Variants in ZDHHC14 observed in about 807,000 individuals in gnomAD.
The protein encoded by ZDHHC14 is zDHHC palmitoyltransferase 14, also known as palmitoyltransferase ZDHHC14.
ZDHHC14 carries 16 observed loss-of-function variants against 47.7 expected under a neutral mutation model. That is an observed-to-expected ratio of 0.34 (90% CI 0.23 to 0.51). ZDHHC14 has a LOEUF of 0.51. Among genes scored for constraint, ZDHHC14 ranks in the 20% least tolerant of loss-of-function variants. The pLI, the probability that ZDHHC14 is intolerant of heterozygous loss-of-function variation, is 0.97. For missense variants in ZDHHC14, 515 were observed against 662.5 expected, an observed-to-expected ratio of 0.78 and a Z score of 2.44; for synonymous variants, 293 against 278.9, an observed-to-expected ratio of 1.05 and a Z score of -0.50.
chr6:157,652,636 C>T (rs1441633083), intron 7 of ZDHHC14, among the ~76,000 whole-genome samples: 2 of 152,242 alleles, frequency 1.3e-5, no homozygotes, highest in African/African-American at 4.8e-5. Context: ...TACTCAGAAA[C>T]TTGTCTGTGG....
rs188340745 is a variant in ZDHHC14 at position 157,496,436 on chromosome 6, C to T, written c.246-46149C>T. ...AAAAGATATGTTGGAGTCCTAACCC[C>T]CAGGACCTCAGAATGTGACCTTATT... On this transcript the variant is annotated intron_variant, in intron 1 of 8. Coordinates refer to ENST00000359775, the MANE Select transcript of ZDHHC14 (RefSeq NM_024630.3). 7.9e-5 allele frequency among the ~76,000 whole-genome samples: 12 copies of T among 152,292 alleles called. No homozygotes were observed. In the East Asian group the frequency reaches 1.2e-3, roughly 15 times the overall value.
chr6:157,397,445 C>T (rs995549467), intron 1 of ZDHHC14, among the ~76,000 whole-genome samples: 4 of 152,226 alleles, frequency 2.6e-5, no homozygotes, highest in Middle Eastern at 3.4e-3. Context: ...TTGCCTTTTT[C>T]GGCTTCTGGA....
At chr6:157,666,024 T>G (rs1358569930) in intron 8 of ZDHHC14, among the ~76,000 whole-genome samples, 1 of 152,246 alleles carries the variant, frequency 6.6e-6, no homozygotes, top group African/African-American at 2.4e-5. Flanking sequence ...TTGGCTTTTA[T>G]TATGAGCTAA....
chr6:157,672,158 G>A (rs1216257115), intron 8 of ZDHHC14, among the ~76,000 whole-genome samples: 1 of 152,166 alleles, frequency 6.6e-6, no homozygotes, highest in African/African-American at 2.4e-5. Flanking sequence ...CCCATCTCGT[G>A]GATGTGTCCG....
chr6:157,397,175 C>G (rs1015616060), intron 1 of ZDHHC14, among the ~76,000 whole-genome samples: 3 of 152,246 alleles, frequency 2.0e-5, no homozygotes, highest in Non-Finnish European at 4.4e-5. Context: ...GAGCCCCAGT[C>G]AAGCGTAAAG....
intron 2 of ZDHHC14, among the ~76,000 whole-genome samples, chr6:157,555,235 T>C (rs549197735): frequency 7.2e-5 from 11 of 152,340 alleles, no homozygotes; most frequent in Admixed American, 2.6e-4. Flanking sequence ...ATAATATTAA[T>C]TTTGTGAATG....
chr6:157,393,168 C>T (rs560665345), intron 1 of ZDHHC14, among the ~76,000 whole-genome samples: 8 of 152,292 alleles, frequency 5.3e-5, no homozygotes, highest in East Asian at 1.9e-4. Flanking sequence ...CGTGAGCCAC[C>T]GCACCCAGCC....
intron 1 of ZDHHC14, among the ~76,000 whole-genome samples, chr6:157,441,012 G>C (rs1778551082): frequency 1.3e-5 from 2 of 152,184 alleles, no homozygotes; most frequent in South Asian, 4.1e-4. Context: ...GAAAAGGAAT[G>C]TGACTTATGG....
At chr6:157,480,495 G>C (rs1048041787) in intron 1 of ZDHHC14, among the ~76,000 whole-genome samples, 1 of 152,174 alleles carries the variant, frequency 6.6e-6, no homozygotes, top group Non-Finnish European at 1.5e-5. Flanking sequence ...TTGAACTCCT[G>C]ACCTCAAGTG....
intron 1 of ZDHHC14, among the ~76,000 whole-genome samples, chr6:157,459,076 A>G (rs778315673): frequency 5.9e-5 from 9 of 152,078 alleles, no homozygotes; most frequent in South Asian, 2.1e-4. Flanking sequence ...GCTGGTCTCA[A>G]GATAGTTTCT....
chr6:157,670,905 A>G (rs1311198450), intron 8 of ZDHHC14, among the ~76,000 whole-genome samples: 5 of 152,170 alleles, frequency 3.3e-5, no homozygotes, highest in African/African-American at 1.2e-4. Context: ...AGGGTGGCCT[A>G]CTACTTGTGA....
chr6:157,458,849 A>AATTTTTTTTTTTT (rs1434832129), intron 1 of ZDHHC14, among the ~76,000 whole-genome samples: 2 of 81,226 alleles, frequency 2.5e-5, no homozygotes, highest in African/African-American at 9.2e-5. Flanking sequence ...ATGTGGGTGG[A>AATTTTTTTTTTTT]TTTTTTTTTT....
chr6:157,638,646 G>A (rs1476901110), intron 5 of ZDHHC14, among the ~76,000 whole-genome samples: 2 of 152,228 alleles, frequency 1.3e-5, no homozygotes, highest in African/African-American at 2.4e-5. Context: ...AGAACCATCC[G>A]CCTGGGCCCT....
chr6:157,395,860 A>T (rs1271550663), intron 1 of ZDHHC14, among the ~76,000 whole-genome samples: 1 of 152,060 alleles, frequency 6.6e-6, no homozygotes, highest in East Asian at 1.9e-4. Flanking sequence ...ATAGACTCAT[A>T]TGCCTATTGG....
chr6:157,509,910 C>T (rs1780420411), intron 1 of ZDHHC14, among the ~76,000 whole-genome samples: 1 of 152,238 alleles, frequency 6.6e-6, no homozygotes, highest in Non-Finnish European at 1.5e-5. Context: ...TCTCTTCCTG[C>T]AGCCTCCACT....
chr6:157,643,464 A>T (rs928928689), intron 5 of ZDHHC14, among the ~76,000 whole-genome samples: 1 of 151,678 alleles, frequency 6.6e-6, no homozygotes, highest in Non-Finnish European at 1.5e-5. Flanking sequence ...CCTGGCCAAC[A>T]TGGTGAAACC....
rs1219866314 is a variant in ZDHHC14, at chr6:157,463,956, T to G, written c.246-78629T>G. Among the ~76,000 whole-genome samples, 8 of 151,914 alleles carry G rather than the reference T, an allele frequency of 5.3e-5. No homozygotes were observed. The highest frequency in any genetic ancestry group is 1.0e-4 in the Non-Finnish European group (7 of 67,988). On this transcript the variant is annotated intron_variant, in intron 1 of 8. Transcript: ENST00000359775. The surrounding 1 kb of genome is among the most constrained non-coding windows in gnomAD (Gnocchi z 4.4). ...ATGAGAATCACTTGAGTCCAGGAGG[T>G]GGAGGTTGCAGTGAGCTGAGATTGC... is the stretch of plus-strand genomic sequence containing the variant.
chr6:157,576,848 C>T (rs1379072756), intron 2 of ZDHHC14, among the ~76,000 whole-genome samples: 11 of 152,222 alleles, frequency 7.2e-5, no homozygotes, highest in Admixed American at 7.2e-4. Flanking sequence ...TGTTCCGAAT[C>T]CTTCGGTAAG....
At chr6:157,464,249 G>T (rs1779158183) in intron 1 of ZDHHC14, among the ~76,000 whole-genome samples, 1 of 152,142 alleles carries the variant, frequency 6.6e-6, no homozygotes. Flanking sequence ...ACTACAACCT[G>T]AAATATTCCG....
Sources: allele counts gnomAD v4.1 joint callset (sites outside exome capture counted in the v4.1 genomes callset), GRCh38; gene constraint gnomAD v4.1.1; non-coding constraint Gnocchi (gnomAD v3.1); transcripts MANE v1.5; gene names NCBI Gene and HGNC (gene_info 2026-07-23, HGNC 2026-07-21).